The following SERINC3 variants were observed in gnomAD, a reference collection of about 807,000 sequenced individuals.
SERINC3 encodes tumor differentially expressed protein 1.
Under a neutral mutation model 52.1 loss-of-function variants are expected in SERINC3, and 22 were observed. The ratio of observed to expected loss-of-function variants is 0.42; its 90% CI spans 0.30 to 0.60. The LOEUF is 0.60. Ranked by LOEUF, SERINC3 falls within the 20% of genes least tolerant of loss-of-function variation. The pLI is 0.16. For synonymous variants in SERINC3, 226 were observed against 212.7 expected (o/e 1.06, Z -0.54); for missense variants, 564 against 584.6 (o/e 0.96, Z 0.36).
intron 1 of SERINC3, among the ~76,000 whole-genome samples, chr20:44,516,686 C>A (rs2064382743): frequency 1.3e-5 from 2 of 152,136 alleles, no homozygotes; most frequent in Non-Finnish European, 2.9e-5. Context: ...GCCAATGCAC[C>A]CGGCCTTTGT....
intron 1 of SERINC3, among the ~76,000 whole-genome samples, chr20:44,520,738 G>C (rs984263576): frequency 3.9e-5 from 6 of 152,338 alleles, no homozygotes; most frequent in Admixed American, 6.5e-5. Flanking sequence ...AACTGCATAT[G>C]TACCCTCTGA....
chr20:44,519,484 G>T, intron 1 of SERINC3: 3 of 498,886 alleles, frequency 6.0e-6, no homozygotes, highest in South Asian at 8.8e-5. Context: ...GTCTCTATAT[G>T]GGTGCATCAG....
intron 6 of SERINC3, among the ~76,000 whole-genome samples, chr20:44,506,005 T>C (rs375598817): frequency 6.6e-6 from 1 of 151,990 alleles, no homozygotes; most frequent in Admixed American, 6.6e-5. Context: ...TAATGACTCA[T>C]AAGAATCATT....
intron 1 of SERINC3, among the ~76,000 whole-genome samples, chr20:44,518,741 G>A (rs1022407632): frequency 6.6e-6 from 1 of 152,166 alleles, no homozygotes; most frequent in African/African-American, 2.4e-5. Context: ...GAGGTGGGCA[G>A]ATCACCTGAG....
At chr20:44,520,711 A>G (rs1423802192) in intron 1 of SERINC3, among the ~76,000 whole-genome samples, 1 of 152,216 alleles carries the variant, frequency 6.6e-6, no homozygotes, top group Non-Finnish European at 1.5e-5. Flanking sequence ...CGATAAGGCA[A>G]TATACCCATG....
chr20:44,511,604 C>A (rs950046828), intron 3 of SERINC3, among the ~76,000 whole-genome samples: 3 of 152,140 alleles, frequency 2.0e-5, no homozygotes, highest in African/African-American at 7.2e-5. Flanking sequence ...CCAGAGAAAA[C>A]TGAAAATTTA....
chr20:44,501,023 G>T, intron 9 of SERINC3, 50 bp downstream of exon 9: 1 of 1,338,494 alleles, frequency 7.5e-7, no homozygotes, highest in Non-Finnish European at 1.1e-6. Flanking sequence ...GATTTTATAG[G>T]CCATCCAAGG....
chr20:44,503,747 G>A, intron 8 of SERINC3, 68 bp downstream of exon 8: 1 of 1,294,280 alleles, frequency 7.7e-7, no homozygotes, highest in Admixed American at 2.8e-5. Flanking sequence ...CTTTTTGAAA[G>A]CAAAACAGCT....
intron 4 of SERINC3, among the ~76,000 whole-genome samples, chr20:44,510,640 C>A (rs566451506): frequency 6.6e-6 from 1 of 151,870 alleles, no homozygotes; most frequent in Non-Finnish European, 1.5e-5. Context: ...GGTGAAACCC[C>A]GTCTCTGCCT....
chr20:44,499,686 T>C lies in SERINC3; in HGVS notation c.*610A>G, dbSNP rs1292003431. ...AAAGCACCAGACTTGAATCAAGCAG[T>C]CTCAATGCTACAGTGTAAAAAAAGT... On this transcript the variant is annotated 3_prime_UTR_variant, in exon 10 of 10. Transcript: ENST00000342374. 2.0e-5 allele frequency: 3 copies of C among 152,274 alleles called. No individual in the cohort carries two copies. The highest frequency in any genetic ancestry group is 4.4e-5 in the Non-Finnish European group (3 of 68,024). 9.4% of individuals were successfully genotyped at this position (152,274 alleles called of 1,614,324 possible).
intron 4 of SERINC3, among the ~76,000 whole-genome samples, chr20:44,510,247 G>A (rs1408319871): frequency 3.9e-5 from 6 of 152,150 alleles, no homozygotes; most frequent in African/African-American, 1.4e-4. Context: ...AGGGAAGCCT[G>A]GGACCTGAGT....
chr20:44,505,868 G>A (rs891373873), intron 6 of SERINC3, among the ~76,000 whole-genome samples: 1 of 152,040 alleles, frequency 6.6e-6, no homozygotes, highest in African/African-American at 2.4e-5. Context: ...CCAAAGTGCT[G>A]GGATTACAGG....
In SERINC3 at chr20:44,521,982, T is replaced by C. The variant is rs751803838; in HGVS notation, c.-31A>G. 21 of 1,597,972 alleles carry C rather than the reference T, an allele frequency of 1.3e-5. No individual in the cohort carries two copies. The South Asian group carries it at 2.3e-4, about 17-fold the overall frequency. ...CGCCAGTGATGGAGGTGGCCGGTCC[T>C]GAGGCTGCTTTCTAACACGGTGGTA... On this transcript the variant is annotated 5_prime_UTR_variant, in exon 1 of 10. Transcript: ENST00000342374.
chr20:44,502,583 T>C (rs1245266995), intron 8 of SERINC3, among the ~76,000 whole-genome samples: 2 of 136,292 alleles, frequency 1.5e-5, no homozygotes, highest in African/African-American at 2.9e-5. Flanking sequence ...ACTTCTTCTC[T>C]TCAAAAAAAA....
intron 1 of SERINC3, 85 bp downstream of exon 1, chr20:44,521,828 T>C: frequency 7.2e-7 from 1 of 1,390,830 alleles, no homozygotes; most frequent in Non-Finnish European, 1.0e-6. Context: ...CGAGAGCCTC[T>C]GGAGCCAAGG....
chr20:44,514,752 C>A (rs1271357678), intron 1 of SERINC3, among the ~76,000 whole-genome samples: 1 of 151,998 alleles, frequency 6.6e-6, no homozygotes, highest in Non-Finnish European at 1.5e-5. Flanking sequence ...CAGAGCGAGA[C>A]TCCATCTCAA....
At position 44,503,580 on chromosome 20, in the gene SERINC3, G is replaced by A. The variant is rs1452046928; in HGVS notation, c.1055+235C>T. ...GAAGAACTGCTTGAACCCAGGAGGTGGAGATTGCAGTGAGCTGAGATCCTG... is the reference window on the plus strand; with the variant it reads ...GAAGAACTGCTTGAACCCAGGAGGTAGAGATTGCAGTGAGCTGAGATCCTG... On this transcript the variant is annotated intron_variant, in intron 8 of 9. Transcript: ENST00000342374. 3.9e-5 allele frequency among the ~76,000 whole-genome samples: 6 copies of A among 152,266 alleles called. No individual in the cohort carries two copies. The East Asian group carries it at 1.2e-3, about 29-fold the overall frequency.
Position 44,500,935 on chromosome 20 carries a change from G to A in SERINC3, c.1283+138C>T, listed in dbSNP as rs561855603. 7 of 638,256 alleles carry A rather than the reference G, an allele frequency of 1.1e-5. No homozygotes were observed. The East Asian group carries it at 1.4e-4, about 12-fold the overall frequency. 39.5% of individuals were successfully genotyped at this position (638,256 alleles called of 1,614,324 possible). ...TTCCAATGGGTTTTAAATGCTAGAG[G>A]GGATAAAGTCAAGAGTATTTAACCC... On this transcript the variant is annotated intron_variant, in intron 9 of 9. Transcript: ENST00000342374.
chr20:44,504,741 G>A, intron 7 of SERINC3, 60 bp downstream of exon 7: 1 of 1,391,284 alleles, frequency 7.2e-7, no homozygotes, highest in Non-Finnish European at 1.0e-6. Context: ...TACCAACTAT[G>A]TAAAGGCTGA....
Sources: gnomAD v4.1 joint callset for allele counts (sites outside exome capture counted in the v4.1 genomes callset) on GRCh38, gnomAD v4.1.1 for gene constraint, MANE v1.5 for transcripts, NCBI Gene and HGNC (gene_info 2026-07-23, HGNC 2026-07-21) for gene names.